Variants in PALLD observed in about 807,000 individuals in gnomAD.
PALLD encodes palladin, cytoskeletal associated protein.
In PALLD, 61 loss-of-function variants were observed where a neutral mutation model predicts 123.5. The observed-to-expected ratio is 0.49, with a 90% CI of 0.40 to 0.61. PALLD has a LOEUF of 0.61. PALLD is among the 20% of genes least tolerant of loss of function. PALLD has a pLI of 0.00. For synonymous variants in PALLD, 465 were observed against 496.4 expected (o/e 0.94, Z 0.84); for missense variants, 1,273 against 1,377.0 (o/e 0.92, Z 1.20).
intron 10 of PALLD, among the ~76,000 whole-genome samples, chr4:168,824,237 T>C (rs1743113396): frequency 6.6e-6 from 1 of 152,252 alleles, no homozygotes; most frequent in Non-Finnish European, 1.5e-5. Flanking sequence ...ACTTTCAAAA[T>C]CTTACTTTGT....
In PALLD at chr4:168,767,542, A is replaced by AT. The variant is rs5863956; in HGVS notation, c.1964+55639dup. 7.0e-3 allele frequency among the ~76,000 whole-genome samples: 877 copies of AT among 125,666 alleles called. 12 individuals carry two copies. Among genetic ancestry groups the AT allele is most frequent in the Admixed American group, 0.027 (330 of 12,244 alleles). 82.4% of individuals were successfully genotyped at this position (125,666 alleles called of 152,430 possible). A position where few individuals can be genotyped will look rare whatever the true frequency, so the allele number is the denominator to read the frequency against. ...GAGGTTTATTTACTCCCTGTCTCTG[A>AT]TTTTTTTTTTTTTTTTTTTTCCGAG... On this transcript the variant is annotated intron_variant, in intron 10 of 21. Coordinates refer to ENST00000505667, the MANE Select transcript of PALLD (RefSeq NM_001166108.2).
At chr4:168,761,151 G>C (rs1456065551) in intron 10 of PALLD, among the ~76,000 whole-genome samples, 1 of 152,152 alleles carries the variant, frequency 6.6e-6, no homozygotes, top group African/African-American at 2.4e-5. Flanking sequence ...ATATTAGAAC[G>C]CTGCTGTGGA....
chr4:168,706,006 T>C (rs1334060867), intron 8 of PALLD, among the ~76,000 whole-genome samples: 2 of 152,216 alleles, frequency 1.3e-5, no homozygotes, highest in East Asian at 3.8e-4. Flanking sequence ...TTTTTTATTA[T>C]GGTTAAAGAA....
intron 3 of PALLD, among the ~76,000 whole-genome samples, chr4:168,669,812 A>C (rs1780006712): frequency 6.6e-6 from 1 of 151,858 alleles, no homozygotes; most frequent in Non-Finnish European, 1.5e-5. Context: ...ACACACACAC[A>C]CACACACACA....
At chr4:168,672,387 CT>C in intron 3 of PALLD, among the ~76,000 whole-genome samples, 1 of 152,048 alleles carries the variant, frequency 6.6e-6, no homozygotes. Context: ...TTGACAGTCT[CT>C]TCCCATTCCC....
intron 10 of PALLD, among the ~76,000 whole-genome samples, chr4:168,769,121 G>A (rs529998199): frequency 1.3e-4 from 20 of 152,266 alleles, no homozygotes; most frequent in East Asian, 9.6e-4. Context: ...CCACCCAGCC[G>A]GTATGTGTTT....
At chr4:168,831,147 G>A (rs973684185) in intron 10 of PALLD, among the ~76,000 whole-genome samples, 3 of 152,214 alleles carry the variant, frequency 2.0e-5, no homozygotes, top group Non-Finnish European at 4.4e-5. Flanking sequence ...CAGAGCCAGG[G>A]GTGTCCTTAG....
chr4:168,597,362 A>C (rs184871556), intron 2 of PALLD, among the ~76,000 whole-genome samples: 1 of 152,120 alleles, frequency 6.6e-6, no homozygotes. Context: ...AGTTTTGGAG[A>C]CTTCTTTAAG....
chr4:168,710,490 CT>C (rs1784731160), intron 9 of PALLD, among the ~76,000 whole-genome samples: 2 of 152,226 alleles, frequency 1.3e-5, no homozygotes, highest in Non-Finnish European at 2.9e-5. Flanking sequence ...CTGAATTGTA[CT>C]TGGATTCCTT....
intron 1 of PALLD, among the ~76,000 whole-genome samples, chr4:168,503,108 C>CAGAT (rs33920852): frequency 8.1e-5 from 1 of 12,274 alleles, no homozygotes; most frequent in African/African-American, 7.9e-4. Flanking sequence ...TGCTGTAACC[C>CAGAT]AGTGTGCTAA....
At chr4:168,899,643 A>G (rs562672069) in intron 14 of PALLD, among the ~76,000 whole-genome samples, 1 of 152,156 alleles carries the variant, frequency 6.6e-6, no homozygotes, top group Non-Finnish European at 1.5e-5. Context: ...TTGGCCAAGC[A>G]TGGTGGCTCA....
At chr4:168,625,598 G>A (rs906928181) in intron 2 of PALLD, among the ~76,000 whole-genome samples, 2 of 126,498 alleles carry the variant, frequency 1.6e-5, no homozygotes, top group African/African-American at 5.2e-5. Context: ...TTTTAAATGG[G>A]CAAAGGACTT....
At chr4:168,685,351 A>C (rs1342702808) in intron 5 of PALLD, 134 bp from the exon 6 acceptor site, 2 of 745,734 alleles carry the variant, frequency 2.7e-6, no homozygotes, top group Non-Finnish European at 4.9e-6. Context: ...CAGACGAGCA[A>C]AATGATGTAT....
chr4:168,505,303 G>A (rs576398490), intron 1 of PALLD, among the ~76,000 whole-genome samples: 4 of 152,286 alleles, frequency 2.6e-5, no homozygotes, highest in South Asian at 2.1e-4. Flanking sequence ...GTCAGATGGC[G>A]CCTCTTTAAA....
intron 10 of PALLD, among the ~76,000 whole-genome samples, chr4:168,852,209 T>C (rs535515089): frequency 1.3e-5 from 2 of 152,244 alleles, no homozygotes; most frequent in South Asian, 4.2e-4. Context: ...CAAAGAAATA[T>C]ACACCAAGCC....
In PALLD at chr4:168,609,310, C is replaced by T. The variant is rs182522079; in HGVS notation, c.909-58880C>T. 6.7e-5 allele frequency among the ~76,000 whole-genome samples: 8 copies of T among 119,692 alleles called. No individual in the cohort carries two copies. In the South Asian group the frequency reaches 7.7e-4, roughly 12 times the overall value. 78.5% of individuals were successfully genotyped at this position (119,692 alleles called of 152,430 possible). A position where few individuals can be genotyped will look rare whatever the true frequency, so the allele number is the denominator to read the frequency against. ...GATCCCAGGAGACAGGAATGGAGGA[C>T]GAGGAGATAAGAAAGCAGGAGTGAA... On this transcript the variant is annotated intron_variant, in intron 2 of 21. Transcript: ENST00000505667.
intron 13 of PALLD, chr4:168,898,253 A>G (rs1382620340): frequency 1.8e-6 from 1 of 545,550 alleles, no homozygotes. Flanking sequence ...GGAAAAAAAA[A>G]TTCATCTTTC....
At chr4:168,626,791 T>C (rs920597277) in intron 2 of PALLD, among the ~76,000 whole-genome samples, 1 of 151,586 alleles carries the variant, frequency 6.6e-6, no homozygotes, top group Non-Finnish European at 1.5e-5. Context: ...AAGAAAATCC[T>C]GCCACATGCC....
chr4:168,904,543 A>C (rs1053071019), intron 15 of PALLD, among the ~76,000 whole-genome samples: 1 of 152,164 alleles, frequency 6.6e-6, no homozygotes, highest in African/African-American at 2.4e-5. Flanking sequence ...ATTATGTTAT[A>C]CATTTTAGTC....
Sources: gnomAD v4.1 joint callset for allele counts (sites outside exome capture counted in the v4.1 genomes callset) on GRCh38, gnomAD v4.1.1 for gene constraint, MANE v1.5 for transcripts, NCBI Gene and HGNC (gene_info 2026-07-23, HGNC 2026-07-21) for gene names.